The following EDN1 variants were observed in gnomAD, a reference collection of about 807,000 sequenced individuals.
EDN1 encodes the protein endothelin 1.
A neutral mutation model predicts 21.7 loss-of-function variants in EDN1; 11 were observed. The observed-to-expected ratio is 0.51, with a 90% CI of 0.32 to 0.84. The LOEUF (loss-of-function observed/expected upper bound fraction) is 0.84, where lower values mean the gene tolerates loss of function less well. Ranked by LOEUF, EDN1 falls within the 40% of genes least tolerant of loss-of-function variation. The pLI, the probability that EDN1 is intolerant of heterozygous loss-of-function variation, is 0.03. For synonymous variants in EDN1, 85 were observed against 90.6 expected, an observed-to-expected ratio of 0.94 and a Z score of 0.35; for missense variants, 244 against 262.3, an observed-to-expected ratio of 0.93 and a Z score of 0.48.
the EDN1 span, among the ~76,000 whole-genome samples, chr6:12,249,288 G>A: frequency 6.6e-6 from 1 of 152,052 alleles, no homozygotes; most frequent in African/African-American, 2.4e-5. Flanking sequence ...AGATTCAACT[G>A]TTGCTTTGTT....
the EDN1 span, among the ~76,000 whole-genome samples, chr6:12,280,873 A>G: frequency 6.6e-6 from 1 of 152,364 alleles, no homozygotes; most frequent in African/African-American, 2.4e-5. Context: ...AGCCTGGGCA[A>G]CAGAGCAAGA....
At chr6:12,279,904 CAAG>C in the EDN1 span, among the ~76,000 whole-genome samples, 1 of 152,098 alleles carries the variant, frequency 6.6e-6, no homozygotes, top group Admixed American at 6.5e-5. Context: ...GGAAAGTGTT[CAAG>C]AAGAATGGGA....
chr6:12,270,361 C>T, the EDN1 span, among the ~76,000 whole-genome samples: 4 of 151,722 alleles, frequency 2.6e-5, no homozygotes, highest in Non-Finnish European at 4.4e-5. Context: ...TCTTGAGGTA[C>T]AATGTTAGGT....
chr6:12,279,479 G>A, the EDN1 span, among the ~76,000 whole-genome samples: 5 of 152,228 alleles, frequency 3.3e-5, no homozygotes, highest in Non-Finnish European at 7.3e-5. Flanking sequence ...GAAAGTCTCA[G>A]CCAAGACAGG....
chr6:12,274,859 G>C, the EDN1 span, among the ~76,000 whole-genome samples: 1 of 152,160 alleles, frequency 6.6e-6, no homozygotes, highest in Non-Finnish European at 1.5e-5. Flanking sequence ...GTCTACCTTG[G>C]ATTTAAGGAA....
At chr6:12,265,751 T>C in the EDN1 span, among the ~76,000 whole-genome samples, 4 of 152,252 alleles carry the variant, frequency 2.6e-5, no homozygotes, top group African/African-American at 4.8e-5. Context: ...CTTAGTTATA[T>C]GTGTTGTTTA....
chr6:12,285,517 T>A (rs1263043024), upstream of EDN1, among the ~76,000 whole-genome samples: 3 of 152,188 alleles, frequency 2.0e-5, no homozygotes, highest in Non-Finnish European at 4.4e-5. Flanking sequence ...GTGAGCATGT[T>A]CCCCAAGGGT....
At chr6:12,255,516 T>C in the EDN1 span, among the ~76,000 whole-genome samples, 5 of 152,184 alleles carry the variant, frequency 3.3e-5, no homozygotes, top group Admixed American at 1.3e-4. Context: ...AAGTCTAATA[T>C]CACCATGACT....
chr6:12,293,754 A>G (rs1435748093), intron 2 of EDN1, among the ~76,000 whole-genome samples, 187 bp from the exon 3 acceptor site: 2 of 152,196 alleles, frequency 1.3e-5, no homozygotes, highest in African/African-American at 4.8e-5. Context: ...TCCTGCCTGG[A>G]TACATACAGT....
chr6:12,276,583 C>T, the EDN1 span, among the ~76,000 whole-genome samples: 6 of 152,124 alleles, frequency 3.9e-5, no homozygotes, highest in Admixed American at 3.9e-4. Context: ...AGGAGAGGCA[C>T]CCTTATTTTG....
At chr6:12,279,245 G>A in the EDN1 span, among the ~76,000 whole-genome samples, 3 of 152,272 alleles carry the variant, frequency 2.0e-5, no homozygotes, top group East Asian at 3.9e-4. Context: ...CTATTTGATT[G>A]TAAGTCCAGT....
the EDN1 span, among the ~76,000 whole-genome samples, chr6:12,231,062 T>C: frequency 6.6e-6 from 1 of 152,204 alleles, no homozygotes; most frequent in Admixed American, 6.5e-5. Flanking sequence ...ACAAGCCTTG[T>C]TACTATGTAA....
chr6:12,272,155 T>A, the EDN1 span, among the ~76,000 whole-genome samples: 1 of 152,198 alleles, frequency 6.6e-6, no homozygotes, highest in Non-Finnish European at 1.5e-5. Flanking sequence ...GTTAAGGGAA[T>A]CCTCTCTTTC....
At chr6:12,236,504 C>T in the EDN1 span, among the ~76,000 whole-genome samples, 2 of 152,174 alleles carry the variant, frequency 1.3e-5, no homozygotes, top group East Asian at 1.9e-4. Flanking sequence ...AGGTGATCCA[C>T]CTACCTTGGC....
the EDN1 span, among the ~76,000 whole-genome samples, chr6:12,245,268 G>A: frequency 6.6e-6 from 1 of 152,092 alleles, no homozygotes; most frequent in Non-Finnish European, 1.5e-5. Flanking sequence ...TTAGAGATGA[G>A]GAAACTGAGA....
At chr6:12,289,686 G>A (rs564083974), upstream of EDN1, among the ~76,000 whole-genome samples, 37 of 152,282 alleles carry the variant, frequency 2.4e-4, no homozygotes, top group African/African-American at 8.9e-4. Flanking sequence ...TCAGTGATAG[G>A]GAAAAGACTG....
At chr6:12,253,683 G>C in the EDN1 span, among the ~76,000 whole-genome samples, 1 of 152,018 alleles carries the variant, frequency 6.6e-6, no homozygotes, top group African/African-American at 2.4e-5. Flanking sequence ...AGGACAAAAA[G>C]AATAACTCAT....
chr6:12,251,401 T>G, the EDN1 span, among the ~76,000 whole-genome samples: 2,246 of 152,330 alleles, frequency 0.015, 64 homozygotes, highest in African/African-American at 0.049. Context: ...CTCATCAAAC[T>G]TGAGGTGTCA....
chr6:12,240,510 G>A, the EDN1 span, among the ~76,000 whole-genome samples: 1 of 152,172 alleles, frequency 6.6e-6, no homozygotes, highest in Non-Finnish European at 1.5e-5. Flanking sequence ...TTGTAGGTGT[G>A]TTGTATTAGG....
Sources: gnomAD v4.1 joint callset for allele counts (sites outside exome capture counted in the v4.1 genomes callset) on GRCh38, gnomAD v4.1.1 for gene constraint, MANE v1.5 for transcripts, NCBI Gene and HGNC (gene_info 2026-07-23, HGNC 2026-07-21) for gene names.